Variants in CLIP1 observed in about 807,000 individuals in gnomAD.
The protein encoded by CLIP1 is CAP-Gly domain-containing linker protein 1.
In CLIP1, 66 loss-of-function variants were observed where a neutral mutation model predicts 161.6. The observed-to-expected ratio is 0.41, with a 90% confidence interval of 0.33 to 0.50. The LOEUF (loss-of-function observed/expected upper bound fraction) is 0.50, where lower values mean the gene tolerates loss of function less well. Among genes scored for constraint, CLIP1 ranks in the 20% least tolerant of loss-of-function variants. The pLI is 0.27. For synonymous variants in CLIP1, 598 were observed against 626.2 expected, an observed-to-expected ratio of 0.96 and a Z score of 0.67; for missense variants, 1,376 against 1,702.0, an observed-to-expected ratio of 0.81 and a Z score of 3.37.
intron 13 of CLIP1, among the ~76,000 whole-genome samples, chr12:122,334,437 A>C (rs1387434255): frequency 6.6e-6 from 1 of 152,256 alleles, no homozygotes; most frequent in Non-Finnish European, 1.5e-5. Context: ...ACATTTTAAT[A>C]CAGAACAAGC....
intron 20 of CLIP1, among the ~76,000 whole-genome samples, chr12:122,300,314 C>T (rs1174590239): frequency 6.6e-6 from 1 of 152,004 alleles, no homozygotes; most frequent in Admixed American, 6.6e-5. Flanking sequence ...AATGACATGC[C>T]AGACATCTCC....
chr12:122,364,193 C>T, intron 3 of CLIP1, 86 bp from the exon 4 acceptor site: 1 of 1,464,914 alleles, frequency 6.8e-7, no homozygotes, highest in Admixed American at 1.8e-5. Flanking sequence ...CTAGGTACTA[C>T]ATTCCATCAT....
chr12:122,303,265 C>T (rs960596612), intron 20 of CLIP1, among the ~76,000 whole-genome samples: 4 of 152,086 alleles, frequency 2.6e-5, no homozygotes, highest in Non-Finnish European at 5.9e-5. Context: ...CTTCTCTTGG[C>T]CTGAATTCCT....
chr12:122,325,167 C>G, intron 17 of CLIP1, among the ~76,000 whole-genome samples: 1 of 150,514 alleles, frequency 6.6e-6, no homozygotes, highest in East Asian at 2.0e-4. Flanking sequence ...AAGCTATTCT[C>G]ATGCCTCAGC....
chr12:122,411,404 G>A (rs774787630), intron 1 of CLIP1, among the ~76,000 whole-genome samples: 11 of 152,138 alleles, frequency 7.2e-5, no homozygotes, highest in African/African-American at 1.4e-4. Flanking sequence ...AGACAAGGGC[G>A]AAACTCCATC....
chr12:122,405,947 A>T (rs1956313227), intron 1 of CLIP1, among the ~76,000 whole-genome samples: 1 of 151,896 alleles, frequency 6.6e-6, no homozygotes, highest in Admixed American at 6.6e-5. Context: ...AGCTCCGGTA[A>T]TCCCAGCTAC....
intron 24 of CLIP1, chr12:122,276,661 A>T: frequency 5.9e-6 from 2 of 336,528 alleles, no homozygotes; most frequent in Non-Finnish European, 1.1e-5. Flanking sequence ...TTATTTAAAT[A>T]TAAAATGTGG....
chr12:122,326,941 C>T (rs929544090), intron 17 of CLIP1, among the ~76,000 whole-genome samples: 4 of 152,172 alleles, frequency 2.6e-5, no homozygotes, highest in Admixed American at 6.5e-5. Flanking sequence ...ACATGCACGG[C>T]ACACACATAC....
intron 1 of CLIP1, among the ~76,000 whole-genome samples, chr12:122,418,746 G>C (rs1956837742): frequency 6.6e-6 from 1 of 152,108 alleles, no homozygotes; most frequent in Admixed American, 6.6e-5. Flanking sequence ...CTGCGTGACA[G>C]AGCGAGACCC....
At chr12:122,409,207 C>A (rs1400632400) in intron 1 of CLIP1, among the ~76,000 whole-genome samples, 1 of 151,944 alleles carries the variant, frequency 6.6e-6, no homozygotes, top group Non-Finnish European at 1.5e-5. Flanking sequence ...TTCACTGCAA[C>A]CACTGCCACC....
chr12:122,337,963 C>T (rs1434461435), intron 11 of CLIP1, among the ~76,000 whole-genome samples: 2 of 139,086 alleles, frequency 1.4e-5, no homozygotes, highest in African/African-American at 5.4e-5. Context: ...TACAGTGAGC[C>T]GAGATCATGC....
At chr12:122,286,597 C>T (rs376043228) in intron 21 of CLIP1, among the ~76,000 whole-genome samples, 20 of 149,522 alleles carry the variant, frequency 1.3e-4, no homozygotes, top group South Asian at 4.2e-4. Flanking sequence ...GAAACACACG[C>T]GCATTCTGAG....
chr12:122,332,977 T>A lies in CLIP1; in HGVS notation c.2867+10A>T. Reference sequence around the variant, plus strand: ...CTAAGGTCAGCACTCTTTTCAACAGTCACATATACCTTTCTTTCAGACGTA... The same window carrying A: ...CTAAGGTCAGCACTCTTTTCAACAGACACATATACCTTTCTTTCAGACGTA... On this transcript the variant is annotated intron_variant, in intron 15 of 25. Coordinates refer to ENST00000620786, the MANE Select transcript of CLIP1 (RefSeq NM_001247997.2). 5.0e-6 allele frequency: 8 copies of A among 1,609,016 alleles called. No individual in the cohort carries two copies. Among genetic ancestry groups the A allele is most frequent in the Non-Finnish European group, 6.8e-6 (8 of 1,177,672 alleles).
intron 1 of CLIP1, among the ~76,000 whole-genome samples, chr12:122,385,985 G>T (rs538784514): frequency 6.6e-6 from 1 of 152,200 alleles, no homozygotes; most frequent in East Asian, 1.9e-4. Context: ...GGGATGGAAA[G>T]AAATCAAGAA....
chr12:122,365,677 TAAA>T (rs34314261), intron 3 of CLIP1: 124 of 582,182 alleles, frequency 2.1e-4, no homozygotes, highest in South Asian at 3.4e-4. Flanking sequence ...CTGGGCTATT[TAAA>T]AAAAAAAAAA....
At chr12:122,332,587 A>G (rs1207342553) in intron 15 of CLIP1, among the ~76,000 whole-genome samples, 1 of 151,752 alleles carries the variant, frequency 6.6e-6, no homozygotes, top group East Asian at 2.0e-4. Flanking sequence ...ACGCCTGGCT[A>G]ATTTTGTATT....
intron 17 of CLIP1, among the ~76,000 whole-genome samples, chr12:122,327,173 T>C (rs1951741116): frequency 1.3e-5 from 2 of 152,144 alleles, no homozygotes; most frequent in South Asian, 2.1e-4. Flanking sequence ...AGGCCAGGCA[T>C]GGTGGCTCAC....
chr12:122,349,891 T>C (rs1242135262), intron 9 of CLIP1, among the ~76,000 whole-genome samples: 2 of 70,180 alleles, frequency 2.8e-5, no homozygotes, highest in Admixed American at 2.9e-4. Context: ...CTTGTGTTTT[T>C]TTGTTTTTTT....
At chr12:122,347,315 C>G in intron 10 of CLIP1, 60 bp downstream of exon 10, 1 of 1,250,454 alleles carries the variant, frequency 8.0e-7, no homozygotes. Context: ...AAGCATGTCA[C>G]CTGAGGTGTC....
Sources: allele counts gnomAD v4.1 joint callset (sites outside exome capture counted in the v4.1 genomes callset), GRCh38; gene constraint gnomAD v4.1.1; transcripts MANE v1.5; gene names NCBI Gene and HGNC (gene_info 2026-07-23, HGNC 2026-07-21).